Variants in TPST1 observed in about 807,000 individuals in gnomAD.
TPST1 encodes the protein tyrosylprotein sulfotransferase 1.
In TPST1, 20 loss-of-function variants were observed where a neutral mutation model predicts 34.8. The ratio of observed to expected loss-of-function variants is 0.57; its 90% CI spans 0.40 to 0.84. TPST1 has a LOEUF of 0.84. TPST1 is among the 40% of genes least tolerant of loss of function. The probability of loss-of-function intolerance (pLI) is 0.00; values close to 1 mark genes in which losing one functional copy is unlikely to be tolerated. For missense variants in TPST1, 353 were observed against 455.5 expected, an observed-to-expected ratio of 0.78 and a Z score of 2.05; for synonymous variants, 152 against 159.4, an observed-to-expected ratio of 0.95 and a Z score of 0.35.
intron 1 of TPST1, among the ~76,000 whole-genome samples, chr7:66,229,883 A>G (rs1271298051): frequency 1.3e-5 from 2 of 152,284 alleles, no homozygotes; most frequent in Middle Eastern, 3.4e-3. Context: ...ATTCCCTACT[A>G]TCTAGGTTTA....
At chr7:66,247,583 T>C (rs1205413202) in intron 2 of TPST1, among the ~76,000 whole-genome samples, 2 of 152,158 alleles carry the variant, frequency 1.3e-5, no homozygotes, top group Non-Finnish European at 2.9e-5. Flanking sequence ...AGATAATTAT[T>C]TGTTGTGGCA....
At chr7:66,359,838 C>G in intron 5 of TPST1, 57 bp from the exon 6 acceptor site, 1 of 455,726 alleles carries the variant, frequency 2.2e-6, no homozygotes, top group South Asian at 1.6e-5. Flanking sequence ...GACGAAGACA[C>G]AGGGAGAACA....
Position 66,332,693 on chromosome 7 carries a change from T to C in TPST1, c.1045-19812T>C, listed in dbSNP as rs540651798. Among the ~76,000 whole-genome samples, 2 of 152,234 alleles carry C rather than the reference T, an allele frequency of 1.3e-5. No individual in the cohort carries two copies. The highest frequency in any genetic ancestry group is 2.9e-5 in the Non-Finnish European group (2 of 68,044). On this transcript the variant is annotated intron_variant, in intron 3 of 5. Coordinates refer to ENST00000304842, the MANE Select transcript of TPST1 (RefSeq NM_003596.4). The surrounding 1 kb of genome is among the most constrained non-coding windows in gnomAD (Gnocchi z 4.5). ...GTGGGGGGGAAATGATGCTTACATC[T>C]GTACTGAACGTGACGGACTTTGTCA...
chr7:66,268,554 A>G (rs1462339146), intron 2 of TPST1, among the ~76,000 whole-genome samples: 1 of 152,238 alleles, frequency 6.6e-6, no homozygotes, highest in Non-Finnish European at 1.5e-5. Context: ...AAATTAATAA[A>G]ATAGAGAAAA....
At chr7:66,238,381 A>G (rs900292120) in intron 1 of TPST1, among the ~76,000 whole-genome samples, 1 of 147,362 alleles carries the variant, frequency 6.8e-6, no homozygotes, top group African/African-American at 2.5e-5. Flanking sequence ...CTTTTGTTAC[A>G]TTCCAGCCTT....
chr7:66,249,590 C>T (rs555777874), intron 2 of TPST1, among the ~76,000 whole-genome samples: 9 of 152,170 alleles, frequency 5.9e-5, no homozygotes, highest in African/African-American at 1.2e-4. Flanking sequence ...CAAGAACTTG[C>T]GCTTCTAACA....
rs11764754 is a variant in TPST1, at chr7:66,206,373, G to A, written c.-102+851G>A. On this transcript the variant is annotated intron_variant, in intron 1 of 5. Coordinates refer to ENST00000304842, the MANE Select transcript of TPST1 (RefSeq NM_003596.4). Reference sequence around the variant, plus strand: ...GGCCTGGCACATGGTGGGTGGTCACGCATGTTAGCCTCTTCCTCCTTCCAG... The same window carrying A: ...GGCCTGGCACATGGTGGGTGGTCACACATGTTAGCCTCTTCCTCCTTCCAG... Among the ~76,000 whole-genome samples the A allele has an allele frequency of 6.5e-3, 985 of 152,244 alleles. 3 individuals are homozygous for A. Among genetic ancestry groups the A allele is most frequent in the Non-Finnish European group, 0.01 (682 of 68,020 alleles).
chr7:66,354,342 A>T (rs573955484), intron 4 of TPST1, among the ~76,000 whole-genome samples: 2 of 152,200 alleles, frequency 1.3e-5, no homozygotes, highest in South Asian at 4.1e-4. Flanking sequence ...GCGGTGGTTC[A>T]CGCCTGTAAT....
upstream of TPST1, among the ~76,000 whole-genome samples, chr7:66,202,809 C>T (rs1789046633): frequency 6.6e-6 from 1 of 152,180 alleles, no homozygotes; most frequent in Non-Finnish European, 1.5e-5. Flanking sequence ...CGCGGTGGCT[C>T]ACACCTGTAA....
At chr7:66,277,217 T>G (rs1790837793) in intron 2 of TPST1, among the ~76,000 whole-genome samples, 1 of 152,172 alleles carries the variant, frequency 6.6e-6, no homozygotes, top group South Asian at 2.1e-4. Context: ...TTCCCATCTT[T>G]CTCTGGCCCC....
At chr7:66,283,127 G>A (rs757367277) in intron 2 of TPST1, among the ~76,000 whole-genome samples, 38 of 152,144 alleles carry the variant, frequency 2.5e-4, no homozygotes, top group Non-Finnish European at 1.8e-4. Flanking sequence ...ACTGGGTATG[G>A]TGGTGGCCTG....
chr7:66,223,812 G>A (rs1292196207), intron 1 of TPST1, among the ~76,000 whole-genome samples: 2 of 152,188 alleles, frequency 1.3e-5, no homozygotes, highest in African/African-American at 2.4e-5. Flanking sequence ...TGAGCTCATA[G>A]CAGTCTAATT....
intron 3 of TPST1, among the ~76,000 whole-genome samples, chr7:66,339,496 C>T (rs1160789601): frequency 2.0e-5 from 3 of 152,014 alleles, no homozygotes; most frequent in Admixed American, 6.6e-5. Flanking sequence ...GATTACTTCC[C>T]AACTCATTCT....
At chr7:66,266,389 A>G (rs1298697945) in intron 2 of TPST1, among the ~76,000 whole-genome samples, 1 of 152,194 alleles carries the variant, frequency 6.6e-6, no homozygotes, top group Non-Finnish European at 1.5e-5. Flanking sequence ...AAATGAATGG[A>G]CATTACAGAG....
intron 2 of TPST1, among the ~76,000 whole-genome samples, chr7:66,284,701 C>T (rs1358965809): frequency 6.6e-6 from 1 of 151,896 alleles, no homozygotes; most frequent in African/African-American, 2.4e-5. Flanking sequence ...GGATTACAGA[C>T]ATGCACCACC....
intron 1 of TPST1, among the ~76,000 whole-genome samples, chr7:66,231,793 CAGCGGTGGGCTGA>C (rs554078915): frequency 6.6e-6 from 1 of 152,356 alleles, no homozygotes; most frequent in African/African-American, 2.4e-5. Flanking sequence ...TCCCACAGTG[CAGCGGTGGGCTGA>C]AGGGCTCCTC....
intron 3 of TPST1, among the ~76,000 whole-genome samples, chr7:66,328,010 C>CTTTTTT (rs1791904797): frequency 3.5e-5 from 2 of 57,478 alleles, no homozygotes; most frequent in Non-Finnish European, 3.6e-5. Context: ...TTTTTCCTTT[C>CTTTTTT]CTTTTTTTTT....
chr7:66,219,420 C>T (rs1271881814), intron 1 of TPST1, among the ~76,000 whole-genome samples: 1 of 152,294 alleles, frequency 6.6e-6, no homozygotes, highest in Admixed American at 6.5e-5. Flanking sequence ...CCGTATATAT[C>T]TGTTATTTCT....
chr7:66,355,580 A>G (rs1792566035), intron 4 of TPST1, among the ~76,000 whole-genome samples: 1 of 151,914 alleles, frequency 6.6e-6, no homozygotes, highest in South Asian at 2.1e-4. Context: ...TGGACAACAT[A>G]GCAAGACCCT....
Sources: allele counts gnomAD v4.1 joint callset (sites outside exome capture counted in the v4.1 genomes callset), GRCh38; gene constraint gnomAD v4.1.1; non-coding constraint Gnocchi (gnomAD v3.1); transcripts MANE v1.5; gene names NCBI Gene and HGNC (gene_info 2026-07-23, HGNC 2026-07-21).